Variants in ADARB2 observed in about 807,000 individuals in gnomAD.
ADARB2 encodes inactive double-stranded RNA-specific editase B2.
In ADARB2, 25 loss-of-function variants were observed where a neutral mutation model predicts 62.2. That is an observed-to-expected ratio of 0.40 (90% CI 0.29 to 0.56). The LOEUF (loss-of-function observed/expected upper bound fraction) is 0.56, where lower values mean the gene tolerates loss of function less well. Ranked by LOEUF, ADARB2 falls within the 20% of genes least tolerant of loss-of-function variation. The probability of loss-of-function intolerance (pLI) is 0.43; values close to 1 mark genes in which losing one functional copy is unlikely to be tolerated. For synonymous variants in ADARB2, 572 were observed against 500.8 expected, an observed-to-expected ratio of 1.14 and a Z score of -1.90; for missense variants, 1,071 against 1,077.4, an observed-to-expected ratio of 0.99 and a Z score of 0.08.
chr10:1,663,401 G>A (rs1313227151), intron 1 of ADARB2, among the ~76,000 whole-genome samples: 4 of 152,164 alleles, frequency 2.6e-5, no homozygotes, highest in South Asian at 4.1e-4. Flanking sequence ...GCTACAGAGC[G>A]CTGCCACTCC....
intron 1 of ADARB2, among the ~76,000 whole-genome samples, chr10:1,712,898 A>T (rs578168559): frequency 7.2e-5 from 11 of 152,058 alleles, no homozygotes; most frequent in African/African-American, 2.7e-4. Context: ...CGTGAGCCAC[A>T]GCACCCGGCC....
chr10:1,600,595 G>A (rs971122152), intron 1 of ADARB2, among the ~76,000 whole-genome samples: 12 of 146,290 alleles, frequency 8.2e-5, no homozygotes, highest in Non-Finnish European at 1.5e-4. Flanking sequence ...TCAGGAGGCG[G>A]AGGCTGCAAT....
chr10:1,186,710 C>G (rs1459961783), intron 8 of ADARB2: 1 of 404,346 alleles, frequency 2.5e-6, no homozygotes, highest in Non-Finnish European at 5.0e-6. Flanking sequence ...GCGTCTTGGC[C>G]AGGGCATTGC....
chr10:1,589,528 G>T (rs926933530), intron 1 of ADARB2, among the ~76,000 whole-genome samples: 1 of 152,258 alleles, frequency 6.6e-6, no homozygotes, highest in East Asian at 1.9e-4. Context: ...TGGTCCAGGC[G>T]TCCACAGTCT....
At chr10:1,412,736 G>A (rs1198044336) in intron 1 of ADARB2, among the ~76,000 whole-genome samples, 1 of 152,144 alleles carries the variant, frequency 6.6e-6, no homozygotes, top group South Asian at 2.1e-4. Context: ...GGTGGGTGTG[G>A]GGGCACGGCT....
At chr10:1,289,004 C>T (rs1425002374) in intron 3 of ADARB2, among the ~76,000 whole-genome samples, 1 of 152,122 alleles carries the variant, frequency 6.6e-6, no homozygotes, top group African/African-American at 2.4e-5. Context: ...ATGATACCTC[C>T]CTCCATTGTG....
chr10:1,687,838 T>C (rs988810366), intron 1 of ADARB2, among the ~76,000 whole-genome samples: 2 of 152,108 alleles, frequency 1.3e-5, no homozygotes, highest in Non-Finnish European at 2.9e-5. Context: ...ACCATGTGCC[T>C]CCACTCCTTT....
intron 1 of ADARB2, among the ~76,000 whole-genome samples, chr10:1,639,355 C>G (rs572987594): frequency 6.6e-6 from 1 of 152,356 alleles, no homozygotes; most frequent in South Asian, 2.1e-4. Flanking sequence ...GTCCCCAGAG[C>G]CTTCAGGAAT....
chr10:1,461,910 G>A (rs1403024305), intron 1 of ADARB2, among the ~76,000 whole-genome samples: 2 of 152,184 alleles, frequency 1.3e-5, no homozygotes, highest in African/African-American at 2.4e-5. Context: ...GCTGAGGCAG[G>A]AGAATCGCTT....
At chr10:1,460,032 G>C (rs866470571) in intron 1 of ADARB2, among the ~76,000 whole-genome samples, 1,399 of 69,598 alleles carry the variant, frequency 0.02, 109 homozygotes, top group African/African-American at 0.071. Context: ...CCTGTGACCT[G>C]AGTTTACCTG....
chr10:1,185,692 C>A (rs7920909), intron 8 of ADARB2, among the ~76,000 whole-genome samples: 5,166 of 152,310 alleles, frequency 0.034, 254 homozygotes, highest in African/African-American at 0.11. Context: ...ATGGGTTCGT[C>A]TAAGCTCAGG....
At chr10:1,730,359 T>C (rs1326803742) in intron 1 of ADARB2, among the ~76,000 whole-genome samples, 1 of 152,234 alleles carries the variant, frequency 6.6e-6, no homozygotes, top group Non-Finnish European at 1.5e-5. Flanking sequence ...GGTTTCTCTT[T>C]CTGATCCGTG....
chr10:1,354,935 T>G (rs1832180259), intron 3 of ADARB2, among the ~76,000 whole-genome samples: 1 of 152,190 alleles, frequency 6.6e-6, no homozygotes, highest in Non-Finnish European at 1.5e-5. Flanking sequence ...CTGAGCTCCA[T>G]GGAGGTACCC....
chr10:1,585,111 C>T (rs749347340), intron 1 of ADARB2, among the ~76,000 whole-genome samples: 5 of 152,024 alleles, frequency 3.3e-5, no homozygotes. Flanking sequence ...AAACTGTGAA[C>T]TCTGGGTGGG....
At chr10:1,480,372 G>A (rs895600562) in intron 1 of ADARB2, among the ~76,000 whole-genome samples, 2 of 152,208 alleles carry the variant, frequency 1.3e-5, no homozygotes. Flanking sequence ...GCATTTCTAT[G>A]TACAAACAAT....
intron 1 of ADARB2, among the ~76,000 whole-genome samples, chr10:1,689,457 C>G (rs908675746): frequency 6.6e-6 from 1 of 152,152 alleles, no homozygotes; most frequent in Non-Finnish European, 1.5e-5. Context: ...CACCCAGACC[C>G]AAGTTCAATA....
At chr10:1,559,598 G>A (rs902568885) in intron 1 of ADARB2, among the ~76,000 whole-genome samples, 10 of 152,168 alleles carry the variant, frequency 6.6e-5, no homozygotes, top group South Asian at 2.1e-4. Context: ...GACACAAGAC[G>A]GTCAGGAGGA....
chr10:1,253,852 G>A (rs186664863), intron 4 of ADARB2, among the ~76,000 whole-genome samples: 2 of 152,356 alleles, frequency 1.3e-5, no homozygotes, highest in East Asian at 3.9e-4. Flanking sequence ...AAAACAAGGA[G>A]CTCTGTGGTG....
intron 1 of ADARB2, among the ~76,000 whole-genome samples, chr10:1,605,833 G>C (rs537526531): frequency 6.6e-6 from 1 of 152,152 alleles, no homozygotes; most frequent in African/African-American, 2.4e-5. Flanking sequence ...CTTAGAGAAC[G>C]TTAAGAGGAC....
Sources: allele counts gnomAD v4.1 joint callset (sites outside exome capture counted in the v4.1 genomes callset), GRCh38; gene constraint gnomAD v4.1.1; transcripts MANE v1.5; gene names NCBI Gene and HGNC (gene_info 2026-07-23, HGNC 2026-07-21).